The following TLL1 variants were observed in gnomAD, a reference collection of about 807,000 sequenced individuals.
TLL1 encodes the protein tolloid-like protein 1.
TLL1 carries 49 observed loss-of-function variants against 128.2 expected under a neutral mutation model. The ratio of observed to expected loss-of-function variants is 0.38; its 90% CI spans 0.30 to 0.48. TLL1 has a LOEUF of 0.48. Among genes scored for constraint, TLL1 ranks in the 20% least tolerant of loss-of-function variants. The pLI is 0.96. For missense variants in TLL1, 1,123 were observed against 1,242.0 expected (o/e 0.90, Z 1.44); for synonymous variants, 454 against 418.8 (o/e 1.08, Z -1.03).
chr4:166,055,557 A>T (rs1739966478), intron 13 of TLL1, among the ~76,000 whole-genome samples: 1 of 152,202 alleles, frequency 6.6e-6, no homozygotes, highest in Admixed American at 6.5e-5. Flanking sequence ...AAATATTTGC[A>T]ATGAAAATAA....
intron 1 of TLL1, among the ~76,000 whole-genome samples, chr4:165,971,610 T>C (rs1274319028): frequency 2.0e-5 from 3 of 152,224 alleles, no homozygotes; most frequent in African/African-American, 7.2e-5. Flanking sequence ...CTCTGAATGC[T>C]GAGAGTCCAG....
At chr4:165,984,793 A>G (rs920525283) in intron 1 of TLL1, among the ~76,000 whole-genome samples, 2 of 152,082 alleles carry the variant, frequency 1.3e-5, no homozygotes, top group South Asian at 4.1e-4. Context: ...ACTTAATAAT[A>G]TATGTCACTA....
Position 165,964,021 on chromosome 4 carries a change from A to C in TLL1, c.170-25360A>C, listed in dbSNP as rs532887900. Among the ~76,000 whole-genome samples, 4 of 152,294 alleles carry C rather than the reference A, an allele frequency of 2.6e-5. No individual in the cohort carries two copies. In the South Asian group the frequency reaches 8.3e-4, roughly 32 times the overall value. On this transcript the variant is annotated intron_variant, in intron 1 of 20. Coordinates refer to ENST00000061240, the MANE Select transcript of TLL1 (RefSeq NM_012464.5). ...GCCATGCTGTATACTAGAATCTCAA[A>C]ATTTTAGGCTACATTTGGCAGAGTC...
At chr4:165,915,281 GA>G (rs1184469431) in intron 1 of TLL1, among the ~76,000 whole-genome samples, 3 of 151,710 alleles carry the variant, frequency 2.0e-5, no homozygotes, top group East Asian at 1.9e-4. Flanking sequence ...GATAGTCTGG[GA>G]AAAAAAAGAA....
At chr4:166,007,372 C>T (rs192546117) in intron 6 of TLL1, among the ~76,000 whole-genome samples, 2 of 151,664 alleles carry the variant, frequency 1.3e-5, no homozygotes, top group Non-Finnish European at 3.0e-5. Flanking sequence ...GCCTTTTCAT[C>T]AAGAATAAAC....
At chr4:166,049,641 A>T (rs1364652307) in intron 12 of TLL1, among the ~76,000 whole-genome samples, 1 of 151,400 alleles carries the variant, frequency 6.6e-6, no homozygotes, top group African/African-American at 2.4e-5. Context: ...AGCTGTAATT[A>T]TTCATGTGTT....
rs149788188 is a variant in TLL1 at position 166,031,867 on chromosome 4, A to G, written c.1158+6436A>G. Among the ~76,000 whole-genome samples the G allele has an allele frequency of 3.7e-3, 566 of 152,248 alleles. 4 individuals are homozygous for G. The highest frequency in any genetic ancestry group is 0.013 in the African/African-American group (534 of 41,548). On this transcript the variant is annotated intron_variant, in intron 9 of 20. Transcript: ENST00000061240. ...ATTTTTTAAAAATACAATAAATAGAAAAAACCTAGTATTTCTTGAGTGCCT... is the reference window on the plus strand; with the variant it reads ...ATTTTTTAAAAATACAATAAATAGAGAAAACCTAGTATTTCTTGAGTGCCT...
Position 166,083,512 on chromosome 4 carries a change from T to C in TLL1, c.2442+5482T>C, listed in dbSNP as rs527683717. On this transcript the variant is annotated intron_variant, in intron 18 of 20. Transcript: ENST00000061240. ...CCTTCCATCTAACTGAAATTTTGTA[T>C]TTTTTGACTGACATCTACTCAACCC... 2.8e-4 allele frequency among the ~76,000 whole-genome samples: 35 copies of C among 123,364 alleles called. 11 individuals are homozygous for C. In the South Asian group the frequency reaches 0.011, roughly 38 times the overall value. The allele number at this position is 123,364 out of a possible 152,430, so 80.9% of individuals were successfully genotyped here.
chr4:165,892,712 A>G (rs1045760254), intron 1 of TLL1, among the ~76,000 whole-genome samples: 1 of 152,222 alleles, frequency 6.6e-6, no homozygotes, highest in African/African-American at 2.4e-5. Context: ...AAGGCAGGAA[A>G]GCAACCCTGA....
intron 19 of TLL1, among the ~76,000 whole-genome samples, chr4:166,094,325 T>C (rs1022139587): frequency 6.6e-6 from 1 of 152,186 alleles, no homozygotes; most frequent in Admixed American, 6.5e-5. Flanking sequence ...ACTATAGTAA[T>C]ACTTTCTCAT....
chr4:165,884,550 T>C (rs1731090860), intron 1 of TLL1, among the ~76,000 whole-genome samples: 1 of 152,186 alleles, frequency 6.6e-6, no homozygotes, highest in Admixed American at 6.5e-5. Context: ...AAATTTCAAC[T>C]TGTGGCTGGG....
At chr4:166,029,160 G>GT (rs1025094985) in intron 9 of TLL1, among the ~76,000 whole-genome samples, 11 of 151,638 alleles carry the variant, frequency 7.3e-5, no homozygotes, top group East Asian at 1.9e-4. Context: ...ATTGAATTAT[G>GT]TTTTTTTATC....
chr4:165,949,660 A>G (rs568201312), intron 1 of TLL1, among the ~76,000 whole-genome samples: 4 of 152,194 alleles, frequency 2.6e-5, no homozygotes, highest in Non-Finnish European at 5.9e-5. Flanking sequence ...GGCAGACGAG[A>G]ACAGAGAGAG....
chr4:165,950,808 A>G (rs1734476282), intron 1 of TLL1, among the ~76,000 whole-genome samples: 1 of 152,048 alleles, frequency 6.6e-6, no homozygotes, highest in Non-Finnish European at 1.5e-5. Flanking sequence ...CTTATATTTA[A>G]AAAGTTCTCA....
intron 1 of TLL1, among the ~76,000 whole-genome samples, chr4:165,956,778 A>T (rs557099152): frequency 4.5e-4 from 69 of 152,110 alleles, no homozygotes; most frequent in Non-Finnish European, 3.1e-4. Flanking sequence ...AAGAAATTAT[A>T]AAAGTATAAT....
At chr4:166,025,266 C>T (rs999155639) in intron 8 of TLL1, 50 bp from the exon 9 acceptor site, 11 of 1,314,686 alleles carry the variant, frequency 8.4e-6, no homozygotes, top group African/African-American at 1.5e-5. Flanking sequence ...ATGATATTCA[C>T]GTATTTTATA....
chr4:166,089,077 T>C (rs938051287), intron 18 of TLL1, among the ~76,000 whole-genome samples: 1 of 152,164 alleles, frequency 6.6e-6, no homozygotes. Flanking sequence ...TTCTTTGCTC[T>C]TTATATTTAC....
intron 1 of TLL1, among the ~76,000 whole-genome samples, chr4:165,900,446 TC>T: frequency 6.6e-6 from 1 of 152,180 alleles, no homozygotes; most frequent in Non-Finnish European, 1.5e-5. Context: ...ACAAAATCTC[TC>T]AGCATTTGCT....
chr4:165,949,419 C>T (rs114892111), intron 1 of TLL1, among the ~76,000 whole-genome samples: 9 of 152,234 alleles, frequency 5.9e-5, no homozygotes, highest in African/African-American at 2.2e-4. Context: ...ACACTGTCTC[C>T]AGACTTCTGA....
Sources: gnomAD v4.1 joint callset for allele counts (sites outside exome capture counted in the v4.1 genomes callset) on GRCh38, gnomAD v4.1.1 for gene constraint, MANE v1.5 for transcripts, NCBI Gene and HGNC (gene_info 2026-07-23, HGNC 2026-07-21) for gene names.